The following THUMPD2 variants were observed in gnomAD, a reference collection of about 807,000 sequenced individuals.
The protein encoded by THUMPD2 is THUMP domain 2 tRNA and snRNA guanosine methyltransferase, also known as U6 snRNA (guanine-N(2))-methyltransferase THUMPD2.
A neutral mutation model predicts 49.4 loss-of-function variants in THUMPD2; 56 were observed. The observed-to-expected ratio is 1.13, with a 90% CI of 0.91 to 1.41. The LOEUF is 1.41. Among genes scored for constraint, THUMPD2 ranks in the 40% most tolerant of loss-of-function variants. THUMPD2 has a pLI of 0.00. For missense variants in THUMPD2, 709 were observed against 594.5 expected (o/e 1.19, Z -2.00); for synonymous variants, 237 against 205.2 (o/e 1.15, Z -1.32).
At chr2:39,748,796 T>G (rs573651501) in intron 8 of THUMPD2, among the ~76,000 whole-genome samples, 1 of 152,002 alleles carries the variant, frequency 6.6e-6, no homozygotes, top group Admixed American at 6.6e-5. Flanking sequence ...GGCAATACAG[T>G]GAGACCCCAT....
chr2:39,751,719 A>G (rs992336025), intron 8 of THUMPD2, among the ~76,000 whole-genome samples: 1 of 123,920 alleles, frequency 8.1e-6, no homozygotes, highest in South Asian at 2.6e-4. Context: ...GAGTCTCGCC[A>G]TGTCACCTAG....
At chr2:39,750,217 G>A (rs761343079) in intron 8 of THUMPD2, among the ~76,000 whole-genome samples, 4 of 152,164 alleles carry the variant, frequency 2.6e-5, no homozygotes, top group African/African-American at 4.8e-5. Context: ...TCCCACCAAC[G>A]GTGTAAAGGC....
At position 39,736,600 on chromosome 2, in the gene THUMPD2, C is replaced by G; in HGVS notation, c.*135G>C. On this transcript the variant is annotated 3_prime_UTR_variant, in exon 10 of 10. Coordinates refer to ENST00000505747, the MANE Select transcript of THUMPD2 (RefSeq NM_025264.5). Reference sequence around the variant, plus strand: ...ACTCTTACCAAGCATGTGTACCCATCAGCCACACCTCCTGTCTTTGGGGGA... The same window carrying G: ...ACTCTTACCAAGCATGTGTACCCATGAGCCACACCTCCTGTCTTTGGGGGA... The G allele has an allele frequency of 1.4e-6, 1 of 696,826 alleles. No homozygotes were observed. The highest frequency in any genetic ancestry group is 2.3e-6 in the Non-Finnish European group (1 of 425,758). 43.2% of individuals were successfully genotyped at this position (696,826 alleles called of 1,614,324 possible). A position where few individuals can be genotyped will look rare whatever the true frequency, so the allele number is the denominator to read the frequency against.
chr2:39,773,811 T>C (rs537487987), intron 1 of THUMPD2, among the ~76,000 whole-genome samples: 86 of 152,178 alleles, frequency 5.7e-4, no homozygotes, highest in African/African-American at 1.8e-3. Context: ...CTAAGAATTA[T>C]ACATTCTCAA....
intron 4 of THUMPD2, among the ~76,000 whole-genome samples, chr2:39,766,422 A>G (rs1677529687): frequency 6.6e-6 from 1 of 152,194 alleles, no homozygotes; most frequent in South Asian, 2.1e-4. Flanking sequence ...CACGCTTTTC[A>G]GTATTTTGCG....
intron 6 of THUMPD2, among the ~76,000 whole-genome samples, chr2:39,759,529 C>G (rs1201094789): frequency 6.6e-6 from 1 of 151,872 alleles, no homozygotes; most frequent in Non-Finnish European, 1.5e-5. Context: ...AGCTTCCCAC[C>G]CAGAAAGTGA....
rs1462562221 is a variant in THUMPD2, at chr2:39,769,785, A to G, written c.597T>C (p.Thr199=). Residue 199 remains threonine (T), a synonymous_variant, in exon 3 of 10, where the codon ACT becomes ACC. Coordinates refer to ENST00000505747, the MANE Select transcript of THUMPD2 (RefSeq NM_025264.5). ...TGAAAGTCAAGTCATTCTGATTATG[A>G]GTATCAATTGCTTTCTCTATGTCAT... The part of the protein sequence containing the change: ...FQNDIEKAID[T]HNQNDLTFRV... The G allele has an allele frequency of 6.2e-7, 1 of 1,603,358 alleles. No individual in the cohort carries two copies.
chr2:39,750,295 C>T (rs1417971028), intron 8 of THUMPD2, among the ~76,000 whole-genome samples: 1 of 152,224 alleles, frequency 6.6e-6, no homozygotes, highest in Non-Finnish European at 1.5e-5. Context: ...GCCATTCTGA[C>T]TGGCATGAGA....
chr2:39,769,801 T>C lies in THUMPD2; in HGVS notation c.581A>G (p.Glu194Gly), dbSNP rs769490552. The C allele has an allele frequency of 1.9e-6, 3 of 1,611,246 alleles. No individual in the cohort carries two copies. The highest frequency in any genetic ancestry group is 3.4e-5 in the Admixed American group (2 of 59,398). Reference sequence around the variant, plus strand: ...CTGATTATGAGTATCAATTGCTTTCTCTATGTCATTCTGAAATTCTTCTTC... The same window carrying C: ...CTGATTATGAGTATCAATTGCTTTCCCTATGTCATTCTGAAATTCTTCTTC... ...FQEEEFQNDI[E>G]KAIDTHNQND... Residue 194 changes from glutamate to glycine, a missense_variant, in exon 3 of 10, where the codon GAG (glutamate) becomes GGG (glycine). By Grantham distance (98) the Glu-to-Gly change is moderately conservative. Coordinates refer to ENST00000505747, the MANE Select transcript of THUMPD2 (RefSeq NM_025264.5).
chr2:39,748,317 A>G (rs1674879406), intron 8 of THUMPD2, among the ~76,000 whole-genome samples: 2 of 152,220 alleles, frequency 1.3e-5, no homozygotes, highest in South Asian at 2.1e-4. Flanking sequence ...CTGATGGACA[A>G]GCAAAGAAAG....
chr2:39,772,077 CT>C (rs1044521673), intron 1 of THUMPD2, among the ~76,000 whole-genome samples: 3 of 152,134 alleles, frequency 2.0e-5, no homozygotes, highest in Non-Finnish European at 4.4e-5. Context: ...CACTGACAAG[CT>C]GTAAGTACAC....
intron 1 of THUMPD2, among the ~76,000 whole-genome samples, chr2:39,772,017 T>C (rs1548877): frequency 0.43 from 64,923 of 151,856 alleles, 14,643 homozygotes; most frequent in Non-Finnish European, 0.51. Context: ...TATAAGACAA[T>C]AACTTGAATT....
At chr2:39,758,569 A>G (rs1676423773) in intron 6 of THUMPD2, among the ~76,000 whole-genome samples, 2 of 152,204 alleles carry the variant, frequency 1.3e-5, no homozygotes, top group Non-Finnish European at 1.5e-5. Flanking sequence ...TCAGAGATCT[A>G]TGGACTCAAA....
intron 8 of THUMPD2, among the ~76,000 whole-genome samples, chr2:39,751,681 A>ATTTTT (rs11284104): frequency 3.6e-4 from 43 of 119,954 alleles, no homozygotes; most frequent in South Asian, 7.9e-4. Context: ...ATATTAAAAG[A>ATTTTT]TTTTTTTTTT....
intron 8 of THUMPD2, among the ~76,000 whole-genome samples, chr2:39,749,364 C>G (rs1051650113): frequency 2.0e-5 from 3 of 152,204 alleles, no homozygotes; most frequent in African/African-American, 4.8e-5. Context: ...CAACATTTAA[C>G]TATCTGCAAA....
At position 39,769,020 on chromosome 2, in the gene THUMPD2, C is replaced by T. The variant is rs6744797; in HGVS notation, c.673-519G>A. On this transcript the variant is annotated intron_variant, in intron 3 of 9. Coordinates refer to ENST00000505747, the MANE Select transcript of THUMPD2 (RefSeq NM_025264.5). ...GGTGATGGCAACAGTTTGTGGTGTT[C>T]GCTCTTCTCTACATTGCTGAGACCT... 15,412 of 1,304,586 alleles carry T rather than the reference C, an allele frequency of 0.012. 1,253 individuals are homozygous for T. In the African/African-American group the frequency reaches 0.19, roughly 16 times the overall value. 80.8% of individuals were successfully genotyped at this position (1,304,586 alleles called of 1,614,324 possible).
rs1674335248 is a variant in THUMPD2 at position 39,744,669 on chromosome 2, G to A, written c.1079-191C>T. The A allele has an allele frequency of 1.5e-5, 6 of 399,388 alleles. No individual in the cohort carries two copies. In the East Asian group the frequency reaches 2.6e-4, roughly 17 times the overall value. The allele number at this position is 399,388 out of a possible 1,614,324, so 24.7% of individuals were successfully genotyped here. Reference sequence around the variant, plus strand: ...TCACTAATGATAAATGATAGTTATTGTATTCTGTTCGTTGAAAATTGGTTT... The same window carrying A: ...TCACTAATGATAAATGATAGTTATTATATTCTGTTCGTTGAAAATTGGTTT... On this transcript the variant is annotated intron_variant, in intron 8 of 9. Coordinates refer to ENST00000505747, the MANE Select transcript of THUMPD2 (RefSeq NM_025264.5).
Position 39,769,565 on chromosome 2 carries a change from GGTGACGCACACCT to G in THUMPD2, c.672+132_672+144del. 3 of 700,542 alleles carry G rather than the reference GGTGACGCACACCT, an allele frequency of 4.3e-6. No individual in the cohort carries two copies. The East Asian group carries it at 9.0e-5, about 21-fold the overall frequency. The allele number at this position is 700,542 out of a possible 1,614,324, so 43.4% of individuals were successfully genotyped here. A position where few individuals can be genotyped will look rare whatever the true frequency, so the allele number is the denominator to read the frequency against. On this transcript the variant is annotated intron_variant, in intron 3 of 9. Coordinates refer to ENST00000505747, the MANE Select transcript of THUMPD2 (RefSeq NM_025264.5). ...AAAAATACAAAAATTAGCTGGGTGT[GGTGACGCACACCT>G]GTGATCCCAGCTACTCAGGAGGCTG... is the stretch of plus-strand genomic sequence containing the variant.
intron 8 of THUMPD2, among the ~76,000 whole-genome samples, chr2:39,753,100 G>A (rs1675631118): frequency 6.6e-6 from 1 of 151,886 alleles, no homozygotes; most frequent in African/African-American, 2.4e-5. Context: ...TAACTTCTAT[G>A]TTCAAAAAAA....
Sources: allele counts gnomAD v4.1 joint callset (sites outside exome capture counted in the v4.1 genomes callset), GRCh38; gene constraint gnomAD v4.1.1; transcripts MANE v1.5; gene names NCBI Gene and HGNC (gene_info 2026-07-23, HGNC 2026-07-21).